The following ERI3 variants were observed in gnomAD, a reference collection of about 807,000 sequenced individuals.
ERI3 encodes the protein ERI1 exoribonuclease 3.
Under a neutral mutation model 44.4 loss-of-function variants are expected in ERI3, and 18 were observed. The ratio of observed to expected loss-of-function variants is 0.41; its 90% CI spans 0.28 to 0.60. The LOEUF (loss-of-function observed/expected upper bound fraction) is 0.60, where lower values mean the gene tolerates loss of function less well. Among genes scored for constraint, ERI3 ranks in the 20% least tolerant of loss-of-function variants. ERI3 has a pLI of 0.36. For synonymous variants in ERI3, 183 were observed against 164.8 expected (o/e 1.11, Z -0.84); for missense variants, 294 against 435.5 (o/e 0.68, Z 2.89).
intron 6 of ERI3, among the ~76,000 whole-genome samples, chr1:44,291,102 T>C (rs143376778): frequency 6.5e-4 from 99 of 152,272 alleles, no homozygotes; most frequent in African/African-American, 2.1e-3. Context: ...AGCGTAGCAA[T>C]TTAACCCGAA....
intron 6 of ERI3, among the ~76,000 whole-genome samples, chr1:44,301,959 C>T (rs536447617): frequency 1.3e-5 from 2 of 152,308 alleles, no homozygotes; most frequent in Admixed American, 6.5e-5. Context: ...CTTTCAACTT[C>T]GCTTGTGCTT....
intron 6 of ERI3, among the ~76,000 whole-genome samples, chr1:44,286,920 G>C (rs984986003): frequency 6.6e-6 from 1 of 152,136 alleles, no homozygotes; most frequent in Non-Finnish European, 1.5e-5. Context: ...CCGTGAGTCA[G>C]GACTCACCCA....
chr1:44,278,746 C>T (rs547410820), intron 7 of ERI3, among the ~76,000 whole-genome samples: 1 of 152,006 alleles, frequency 6.6e-6, no homozygotes, highest in Non-Finnish European at 1.5e-5. Flanking sequence ...ATTACAGGCG[C>T]CCGCCACCAC....
chr1:44,224,109 A>G (rs1266288693), intron 8 of ERI3, among the ~76,000 whole-genome samples: 1 of 152,142 alleles, frequency 6.6e-6, no homozygotes, highest in African/African-American at 2.4e-5. Flanking sequence ...AATCTAATCA[A>G]GTATGAACTT....
At chr1:44,332,590 C>T (rs1646453611) in intron 3 of ERI3, among the ~76,000 whole-genome samples, 1 of 152,218 alleles carries the variant, frequency 6.6e-6, no homozygotes, top group Non-Finnish European at 1.5e-5. Flanking sequence ...CAAGCCAGGG[C>T]CACCATGCAT....
chr1:44,238,047 G>C (rs1644345617), intron 8 of ERI3, among the ~76,000 whole-genome samples: 1 of 152,106 alleles, frequency 6.6e-6, no homozygotes, highest in Admixed American at 6.5e-5. Context: ...CGCGGCCTCT[G>C]CTCTTCTCTC....
chr1:44,342,986 G>A (rs1646715598), intron 2 of ERI3, among the ~76,000 whole-genome samples: 1 of 146,984 alleles, frequency 6.8e-6, no homozygotes, highest in East Asian at 2.1e-4. Flanking sequence ...TGGGATTACA[G>A]GCATGGGCCA....
chr1:44,355,021 C>A lies in ERI3; in HGVS notation c.6G>T (p.Ala2=). 1 of 1,389,108 alleles carries A rather than the reference C, an allele frequency of 7.2e-7. No homozygotes were observed. Among genetic ancestry groups the A allele is most frequent in the Non-Finnish European group, 9.4e-7 (1 of 1,067,422 alleles). 86.0% of individuals were successfully genotyped at this position (1,389,108 alleles called of 1,614,324 possible). A position where few individuals can be genotyped will look rare whatever the true frequency, so the allele number is the denominator to read the frequency against. The change falls in exon 1 of 9, where the codon GCG becomes GCT. Residue 2 remains alanine, a synonymous_variant. Coordinates refer to ENST00000372257, the MANE Select transcript of ERI3 (RefSeq NM_024066.3). ...CCCCGTCAGCAGCGGGAGAGGCTGT[C>A]GCCATGGCAACGCCCCCTCCTCGGG... The part of the protein sequence containing the change: M[A]TASPAADGGR...
At chr1:44,326,214 G>A (rs1572286245) in intron 3 of ERI3, among the ~76,000 whole-genome samples, 1 of 152,180 alleles carries the variant, frequency 6.6e-6, no homozygotes, top group Non-Finnish European at 1.5e-5. Context: ...CATACCACAA[G>A]GTAGAAAATG....
chr1:44,311,902 C>CAA (rs35707956), intron 5 of ERI3, among the ~76,000 whole-genome samples: 41 of 147,874 alleles, frequency 2.8e-4, no homozygotes, highest in African/African-American at 1.0e-3. Flanking sequence ...TGAATCTCTT[C>CAA]AAAAAAAAAA....
chr1:44,266,779 T>C (rs977946304), intron 7 of ERI3, among the ~76,000 whole-genome samples: 5 of 152,256 alleles, frequency 3.3e-5, no homozygotes, highest in Admixed American at 6.5e-5. Flanking sequence ...ACTCTGGTTA[T>C]ATAGTGTGAG....
intron 8 of ERI3, among the ~76,000 whole-genome samples, chr1:44,242,872 C>A (rs936481791): frequency 2.6e-5 from 4 of 152,190 alleles, no homozygotes; most frequent in Admixed American, 1.3e-4. Context: ...TTAGCCAGCA[C>A]CCCCCGCACC....
chr1:44,280,618 T>C (rs1218994377), intron 7 of ERI3, among the ~76,000 whole-genome samples: 1 of 152,200 alleles, frequency 6.6e-6, no homozygotes, highest in Non-Finnish European at 1.5e-5. Context: ...ACCCACACAA[T>C]GATCTGTCCC....
chr1:44,325,367 G>A (rs552242707), intron 3 of ERI3, among the ~76,000 whole-genome samples: 16 of 151,832 alleles, frequency 1.1e-4, no homozygotes, highest in Admixed American at 2.0e-4. Context: ...GAGCCACCAC[G>A]CCCGGCCCCT....
chr1:44,331,244 C>A (rs1362586976), intron 3 of ERI3, among the ~76,000 whole-genome samples: 4 of 152,052 alleles, frequency 2.6e-5, no homozygotes, highest in African/African-American at 9.7e-5. Flanking sequence ...TTTGAAGGGT[C>A]TAAACCTCCC....
intron 6 of ERI3, among the ~76,000 whole-genome samples, chr1:44,298,411 G>C (rs1021452059): frequency 2.6e-5 from 4 of 152,094 alleles, no homozygotes; most frequent in Non-Finnish European, 5.9e-5. Flanking sequence ...TGGGCATAGG[G>C]AGATTCTCAT....
intron 8 of ERI3, among the ~76,000 whole-genome samples, chr1:44,238,640 G>A (rs1002807806): frequency 6.6e-6 from 1 of 152,152 alleles, no homozygotes; most frequent in Non-Finnish European, 1.5e-5. Flanking sequence ...GAGTGACGGG[G>A]AGGCAGGAAG....
At chr1:44,256,694 A>C (rs1465866171) in intron 7 of ERI3, 1 of 152,302 alleles carries the variant, frequency 6.6e-6, no homozygotes, top group African/African-American at 2.4e-5. Flanking sequence ...GCTATGCCAC[A>C]GGTCTAAGTC....
chr1:44,354,333 C>T, intron 1 of ERI3: 2 of 985,414 alleles, frequency 2.0e-6, no homozygotes, highest in Non-Finnish European at 2.4e-6. Flanking sequence ...AAATCCAAAC[C>T]CCCATTGAGG....
Sources: allele counts gnomAD v4.1 joint callset (sites outside exome capture counted in the v4.1 genomes callset), GRCh38; gene constraint gnomAD v4.1.1; transcripts MANE v1.5; gene names NCBI Gene and HGNC (gene_info 2026-07-23, HGNC 2026-07-21).